Variants in NDUFA3 observed in about 807,000 individuals in gnomAD.
NDUFA3 encodes the protein NADH dehydrogenase [ubiquinone] 1 alpha subcomplex subunit 3.
A neutral mutation model predicts 11.4 loss-of-function variants in NDUFA3; 10 were observed. The observed-to-expected ratio is 0.87, with a 90% CI of 0.54 to 1.48. NDUFA3 has a LOEUF of 1.48. Among genes scored for constraint, NDUFA3 ranks in the 40% most tolerant of loss-of-function variants. The pLI, the probability that NDUFA3 is intolerant of heterozygous loss-of-function variation, is 0.00. For synonymous variants in NDUFA3, 39 were observed against 46.9 expected (o/e 0.83, Z 0.68); for missense variants, 115 against 110.5 (o/e 1.04, Z -0.18).
chr19:54,107,531 G>C lies in NDUFA3; in HGVS notation c.*629G>C, dbSNP rs1376132796. 3.2e-6 allele frequency: 1 copy of C among 307,840 alleles called. No homozygotes were observed. The highest frequency in any genetic ancestry group is 7.4e-5 in the East Asian group (1 of 13,514). The allele number at this position is 307,840 out of a possible 1,614,324, so 19.1% of individuals were successfully genotyped here. A position where few individuals can be genotyped will look rare whatever the true frequency, so the allele number is the denominator to read the frequency against. On this transcript the variant is annotated 3_prime_UTR_variant, in exon 4 of 4. Transcript: ENST00000485876. ...CCCAAAGTGCCGGGATTACAGGCAT[G>C]AGCCACTGCACCTGGCCAGCCTCAC...
chr19:54,104,135 CTTTTT>C (rs58827171), intron 2 of NDUFA3, among the ~76,000 whole-genome samples: 1 of 88,614 alleles, frequency 1.1e-5, no homozygotes, highest in Non-Finnish European at 2.1e-5. Flanking sequence ...GCCCGGCCAG[CTTTTT>C]TTTTTTTTTT....
In NDUFA3 at chr19:54,106,050, A is replaced by T. The variant is rs587751277; in HGVS notation, c.163+39A>T. The T allele has an allele frequency of 2.9e-5, 46 of 1,564,124 alleles. No individual in the cohort carries two copies. The South Asian group carries it at 5.0e-4, about 17-fold the overall frequency. Reference sequence around the variant, plus strand: ...AGGCAGGGATCCCCGGAATAGGCCCAGCCTCCCTGTGCTGGCGTAAGGGCA... The same window carrying T: ...AGGCAGGGATCCCCGGAATAGGCCCTGCCTCCCTGTGCTGGCGTAAGGGCA... On this transcript the variant is annotated intron_variant, in intron 3 of 3. Transcript: ENST00000485876.
Position 54,106,004 on chromosome 19 carries a change from C to T in NDUFA3, c.156C>T (p.Asn52=), listed in dbSNP as rs1158123173. ...SVMINKATPY[N]YPVPVRDDGN... ...TGATCAACAAGGCCACGCCCTACAA[C>T]TACCCAGGTGAGTGGGGGCCAGGCA... The change falls in exon 3 of 4, where the codon AAC becomes AAT. Residue 52 remains asparagine (N), a synonymous_variant. Coordinates refer to ENST00000485876, the MANE Select transcript of NDUFA3 (RefSeq NM_004542.4). 2 of 1,613,082 alleles carry T rather than the reference C, an allele frequency of 1.2e-6. No individual in the cohort carries two copies. Among genetic ancestry groups the T allele is most frequent in the South Asian group, 2.2e-5 (2 of 91,050 alleles).
intron 3 of NDUFA3, 148 bp from the exon 4 acceptor site, chr19:54,106,663 G>A (rs1272754359): frequency 2.8e-5 from 16 of 574,418 alleles, no homozygotes; most frequent in Admixed American, 1.5e-4. Context: ...TGTATTTCCC[G>A]CCTCTTTCTG....
At chr19:54,103,245 C>T (rs1304327816) in intron 2 of NDUFA3, 57 bp downstream of exon 2, 5 of 1,514,688 alleles carry the variant, frequency 3.3e-6, no homozygotes, top group Non-Finnish European at 4.4e-6. Context: ...CCCTACATCC[C>T]TCCATCTTGT....
rs2073275238 is a variant in NDUFA3 at position 54,106,807 on chromosome 19, A to G, written c.164-4A>G. The stretch of plus-strand genomic sequence containing the variant: ...GTCTCAGTGGCCCACCTCCTGCCCC[A>G]CAGTGCCCGTCCGTGATGATGGGAA... On this transcript the variant is annotated splice_polypyrimidine_tract_variant and splice_region_variant and intron_variant, in intron 3 of 3. Coordinates refer to ENST00000485876, the MANE Select transcript of NDUFA3 (RefSeq NM_004542.4). 2 of 1,607,960 alleles carry G rather than the reference A, an allele frequency of 1.2e-6. No homozygotes were observed. The highest frequency in any genetic ancestry group is 1.7e-6 in the Non-Finnish European group (2 of 1,177,428).
chr19:54,106,093 C>G, intron 3 of NDUFA3, 82 bp downstream of exon 3: 2 of 1,366,532 alleles, frequency 1.5e-6, no homozygotes, highest in South Asian at 1.2e-5. Context: ...GCAGGTCTTT[C>G]CTAAGCAGTT....
chr19:54,102,900 T>G lies in NDUFA3; in HGVS notation c.10+12T>G. On this transcript the variant is annotated intron_variant, in intron 1 of 3. Coordinates refer to ENST00000485876, the MANE Select transcript of NDUFA3 (RefSeq NM_004542.4). ...AAAGATGGCTGCGAGTAAGTGCAGG[T>G]GCCGGTGGCGCACGGGGCTCGGGTA... The G allele has an allele frequency of 6.2e-7, 1 of 1,610,078 alleles. No individual in the cohort carries two copies. Among genetic ancestry groups the G allele is most frequent in the Non-Finnish European group, 8.5e-7 (1 of 1,177,780 alleles).
intron 2 of NDUFA3, among the ~76,000 whole-genome samples, chr19:54,105,263 G>GATTTTTTTTTTTTTTTTTTTTTTTT (rs1201834834): frequency 7.7e-5 from 3 of 38,986 alleles, no homozygotes; most frequent in African/African-American, 1.0e-4. Flanking sequence ...AGTTTGTAAG[G>GATTTTTTTTTTTTTTTTTTTTTTTT]CTTTTTTTTT....
intron 2 of NDUFA3, chr19:54,105,707 A>C: frequency 1.5e-6 from 1 of 688,608 alleles, no homozygotes; most frequent in Non-Finnish European, 2.7e-6. Flanking sequence ...CGTATCTGTG[A>C]GTGTTAGGCT....
intron 2 of NDUFA3, among the ~76,000 whole-genome samples, chr19:54,105,264 C>CCTTTTT (rs1316415018): frequency 0.34 from 24,092 of 71,520 alleles, 4,855 homozygotes; most frequent in Non-Finnish European, 0.38. Flanking sequence ...GTTTGTAAGG[C>CCTTTTT]TTTTTTTTTT....
intron 2 of NDUFA3, among the ~76,000 whole-genome samples, chr19:54,103,668 G>A (rs2073162730): frequency 6.6e-6 from 1 of 151,792 alleles, no homozygotes; most frequent in African/African-American, 2.4e-5. Context: ...GGATGGGGGC[G>A]GGGGATTGTT....
Position 54,105,855 on chromosome 19 carries a change from C to T in NDUFA3, c.86-79C>T, listed in dbSNP as rs1428912522. On this transcript the variant is annotated intron_variant, in intron 2 of 3. Transcript: ENST00000485876. ...CCCTCCCCCTGCGCACTTTATCTTC[C>T]CTTTGCCAAGGCTCACCTTCTCTTC... The T allele has an allele frequency of 5.5e-6, 7 of 1,282,708 alleles. No individual in the cohort carries two copies. The South Asian group carries it at 7.2e-5, about 13-fold the overall frequency. 79.5% of individuals were successfully genotyped at this position (1,282,708 alleles called of 1,614,324 possible). A position where few individuals can be genotyped will look rare whatever the true frequency, so the allele number is the denominator to read the frequency against.
chr19:54,104,862 C>CT (rs2073208339), intron 2 of NDUFA3, among the ~76,000 whole-genome samples: 1 of 151,988 alleles, frequency 6.6e-6, no homozygotes, highest in African/African-American at 2.4e-5. Flanking sequence ...TCTCAGCCTC[C>CT]TTAGTAGCTG....
Position 54,105,953 on chromosome 19 carries a change from G to A in NDUFA3, c.105G>A (p.Leu35=). Residue 35 remains leucine, a synonymous_variant, in exon 3 of 4, where the codon TTG becomes TTA. Coordinates refer to ENST00000485876, the MANE Select transcript of NDUFA3 (RefSeq NM_004542.4). ...CCACAGCTGTAATTCTGCCCCCATT[G>A]AGCCCCTACTTCAAGTACTCCGTCA... ...VGGLAVILPP[L]SPYFKYSVMI... 1 of 1,613,416 alleles carries A rather than the reference G, an allele frequency of 6.2e-7. No homozygotes were observed. The highest frequency in any genetic ancestry group is 8.5e-7 in the Non-Finnish European group (1 of 1,179,600).
At chr19:54,103,265 G>A (rs1171477793) in intron 2 of NDUFA3, 77 bp downstream of exon 2, 11 of 1,423,882 alleles carry the variant, frequency 7.7e-6, no homozygotes, top group Non-Finnish European at 1.0e-5. Context: ...TACCCCTAAA[G>A]CCCTATCGCC....
intron 2 of NDUFA3, among the ~76,000 whole-genome samples, chr19:54,104,137 T>C (rs1274708388): frequency 0.15 from 1,910 of 13,148 alleles, 51 homozygotes; most frequent in African/African-American, 0.34. Flanking sequence ...CCGGCCAGCT[T>C]TTTTTTTTTT....
At chr19:54,105,305 G>C (rs1034798382) in intron 2 of NDUFA3, among the ~76,000 whole-genome samples, 1 of 101,182 alleles carries the variant, frequency 9.9e-6, no homozygotes, top group African/African-American at 3.8e-5. Flanking sequence ...GTCTCTCTCT[G>C]TTGCCCAGGC....
At chr19:54,104,158 G>A (rs1244868169) in intron 2 of NDUFA3, among the ~76,000 whole-genome samples, 9 of 78,706 alleles carry the variant, frequency 1.1e-4, no homozygotes, top group South Asian at 3.9e-4. Flanking sequence ...TTTTTTTTGA[G>A]ATGGCGTCTC....
Sources: allele counts gnomAD v4.1 joint callset (sites outside exome capture counted in the v4.1 genomes callset), GRCh38; gene constraint gnomAD v4.1.1; transcripts MANE v1.5; gene names NCBI Gene and HGNC (gene_info 2026-07-23, HGNC 2026-07-21).